The following COG4 variants were observed in gnomAD, a reference collection of about 807,000 sequenced individuals.
COG4 encodes the protein conserved oligomeric Golgi complex subunit 4.
Under a neutral mutation model 95.1 loss-of-function variants are expected in COG4, and 65 were observed. That is an observed-to-expected ratio of 0.68 (90% CI 0.56 to 0.84). The LOEUF is 0.84. Among genes scored for constraint, COG4 ranks in the 40% least tolerant of loss-of-function variants. COG4 has a pLI of 0.00. For synonymous variants in COG4, 421 were observed against 374.8 expected, an observed-to-expected ratio of 1.12 and a Z score of -1.42; for missense variants, 1,045 against 989.1, an observed-to-expected ratio of 1.06 and a Z score of -0.76.
chr16:70,481,106 G>A lies in COG4; in HGVS notation c.2274C>T (p.Gly758=). ...CAGGGGTGAGGCGCCACGTCAATGG[G>A]CCGGAATTGGGTCCCCAGTAATCGA... ...EILDYWGPNS[G]PLTWRLTPAE... Residue 758 remains glycine (G), a synonymous_variant, in exon 19 of 19, where the codon GGC becomes GGT. Coordinates refer to ENST00000323786, the MANE Select transcript of COG4 (RefSeq NM_015386.3). The A allele has an allele frequency of 6.2e-7, 1 of 1,613,580 alleles. No homozygotes were observed. Among genetic ancestry groups the A allele is most frequent in the Non-Finnish European group, 8.5e-7 (1 of 1,180,030 alleles).
rs181414448 is a variant in COG4 at position 70,517,768 on chromosome 16, A to G, written c.255-28T>C. On this transcript the variant is annotated intron_variant, in intron 2 of 18. Transcript: ENST00000323786. The stretch of plus-strand genomic sequence containing the variant: ...GGAGAAATACATTGTTAGCATACAC[A>G]TAACGATAGGGCAGAGAAGAGACAG... 110 of 1,467,580 alleles carry G rather than the reference A, an allele frequency of 7.5e-5. No homozygotes were observed. In the East Asian group the frequency reaches 2.3e-3, roughly 31 times the overall value. The allele number at this position is 1,467,580 out of a possible 1,614,324, so 90.9% of individuals were successfully genotyped here.
At chr16:70,523,087 T>G (rs1203168522) in intron 1 of COG4, 1 of 491,212 alleles carries the variant, frequency 2.0e-6, no homozygotes. Flanking sequence ...TCAGACTAAC[T>G]TTACTCCCGT....
At chr16:70,497,490 T>A in intron 10 of COG4, 103 bp from the exon 11 acceptor site, 1 of 1,109,228 alleles carries the variant, frequency 9.0e-7, no homozygotes, top group Non-Finnish European at 1.4e-6. Context: ...TTTCTGTACC[T>A]TGTCCATGTT....
chr16:70,491,278 G>A (rs1567726119), intron 12 of COG4, among the ~76,000 whole-genome samples: 1 of 151,946 alleles, frequency 6.6e-6, no homozygotes, highest in Admixed American at 6.6e-5. Context: ...ACTTTGGAAG[G>A]CCAAGGCGGG....
At chr16:70,500,900 T>A (rs952245846) in intron 9 of COG4, 58 bp downstream of exon 9, 198 of 1,603,662 alleles carry the variant, frequency 1.2e-4, no homozygotes, top group Non-Finnish European at 1.6e-4. Flanking sequence ...GCTTAACTAT[T>A]AAGAAACACT....
chr16:70,489,257 C>T (rs567241827), intron 13 of COG4, among the ~76,000 whole-genome samples: 2 of 148,720 alleles, frequency 1.3e-5, no homozygotes, highest in South Asian at 2.1e-4. Context: ...CTCCCTCTGT[C>T]GCCCAGGCTG....
chr16:70,506,628 A>AAAAAAAG (rs2049582396), intron 8 of COG4, among the ~76,000 whole-genome samples: 1 of 135,700 alleles, frequency 7.4e-6, no homozygotes, highest in African/African-American at 3.1e-5. Context: ...CAAAAAAAAA[A>AAAAAAAG]ACATTTAGCT....
chr16:70,486,148 G>A (rs1380332928), intron 13 of COG4, among the ~76,000 whole-genome samples: 1 of 152,108 alleles, frequency 6.6e-6, no homozygotes, highest in African/African-American at 2.4e-5. Flanking sequence ...GCCCGCCTTG[G>A]CCTCCCAAAG....
chr16:70,482,708 G>T, intron 15 of COG4, 21 bp downstream of exon 15: 1 of 1,599,984 alleles, frequency 6.3e-7, no homozygotes, highest in Non-Finnish European at 8.6e-7. Context: ...GGGCTTGATG[G>T]CTGCCTGTGG....
intron 8 of COG4, among the ~76,000 whole-genome samples, chr16:70,505,040 G>C (rs568665204): frequency 6.6e-6 from 1 of 152,064 alleles, no homozygotes; most frequent in Admixed American, 6.6e-5. Flanking sequence ...ATATGTATTA[G>C]CTATTGCTAT....
At chr16:70,498,171 C>A in intron 9 of COG4, 116 bp from the exon 10 acceptor site, 1 of 715,232 alleles carries the variant, frequency 1.4e-6, no homozygotes, top group Non-Finnish European at 2.6e-6. Flanking sequence ...ACATATTTTA[C>A]ATCGTTACAA....
intron 12 of COG4, among the ~76,000 whole-genome samples, chr16:70,490,760 T>C (rs1597661926): frequency 6.6e-6 from 1 of 151,974 alleles, no homozygotes; most frequent in African/African-American, 2.4e-5. Context: ...CCCGGGTTCA[T>C]GCCATTCTCC....
In COG4 at chr16:70,514,398, G is replaced by C. The variant is rs1198976677; in HGVS notation, c.481C>G (p.His161Asp). 6.2e-7 allele frequency: 1 copy of C among 1,614,068 alleles called. No individual in the cohort carries two copies. The highest frequency in any genetic ancestry group is 1.3e-5 in the African/African-American group (1 of 75,018). Residue 161 changes from histidine (H) to aspartate (D), a missense_variant, in exon 4 of 19, where the codon CAT (histidine) becomes GAT (aspartate). Coordinates refer to ENST00000323786, the MANE Select transcript of COG4 (RefSeq NM_015386.3). ...TCCAGGCACAAGTAGCGATGAGTATGTGCTGCAGCCTGCTCATAATCTTCA... is the reference window on the plus strand; with the variant it reads ...TCCAGGCACAAGTAGCGATGAGTATCTGCTGCAGCCTGCTCATAATCTTCA... ...RSEDYEQAAAHTHRYLCLDKS... is the reference protein window; with the variant it reads ...RSEDYEQAAADTHRYLCLDKS...
chr16:70,507,633 G>C (rs1211132752), intron 8 of COG4, among the ~76,000 whole-genome samples: 2 of 152,116 alleles, frequency 1.3e-5, no homozygotes, highest in East Asian at 2.0e-4. Context: ...GGCTGAGGTG[G>C]GCGGATCACT....
At chr16:70,521,036 C>T (rs959002896) in intron 1 of COG4, among the ~76,000 whole-genome samples, 11 of 152,114 alleles carry the variant, frequency 7.2e-5, no homozygotes, top group African/African-American at 1.9e-4. Flanking sequence ...TATAGGCGTG[C>T]ACAACCCTGG....
At chr16:70,491,520 C>CA (rs72213284) in intron 12 of COG4, among the ~76,000 whole-genome samples, 42,749 of 54,832 alleles carry the variant, frequency 0.78, 17,455 homozygotes, top group East Asian at 0.97. Context: ...GACTCTGTCT[C>CA]AAAAAAAAAA....
At chr16:70,513,559 AAG>A (rs2049756370) in intron 4 of COG4, among the ~76,000 whole-genome samples, 1 of 152,224 alleles carries the variant, frequency 6.6e-6, no homozygotes, top group Admixed American at 6.5e-5. Context: ...TAGACATAGT[AAG>A]AGATTAACAA....
intron 11 of COG4, among the ~76,000 whole-genome samples, chr16:70,496,756 T>C (rs1333287709): frequency 6.6e-6 from 1 of 152,218 alleles, no homozygotes; most frequent in Non-Finnish European, 1.5e-5. Context: ...GAACAGGTTT[T>C]GAGTCACTCA....
rs116746214 is a variant in COG4, at chr16:70,509,406, A to G, written c.845-18T>C. Reference sequence around the variant, plus strand: ...GGCAATCCCTAGAAGGGAGGAAGCAATAGGGTTATATTCCAAGTATTCTTC... The same window carrying G: ...GGCAATCCCTAGAAGGGAGGAAGCAGTAGGGTTATATTCCAAGTATTCTTC... On this transcript the variant is annotated intron_variant, in intron 6 of 18. Coordinates refer to ENST00000323786, the MANE Select transcript of COG4 (RefSeq NM_015386.3). The G allele has an allele frequency of 2.4e-3, 3,929 of 1,613,948 alleles. 90 individuals carry two copies. The African/African-American group carries it at 0.044, about 18-fold the overall frequency.
Sources: gnomAD v4.1 joint callset for allele counts (sites outside exome capture counted in the v4.1 genomes callset) on GRCh38, gnomAD v4.1.1 for gene constraint, MANE v1.5 for transcripts, NCBI Gene and HGNC (gene_info 2026-07-23, HGNC 2026-07-21) for gene names.